Variants in FGF14 observed in about 807,000 individuals in gnomAD.
The protein encoded by FGF14 is fibroblast growth factor homologous factor 4.
A neutral mutation model predicts 25.5 loss-of-function variants in FGF14; 5 were observed. The observed-to-expected ratio is 0.20, with a 90% confidence interval of 0.10 to 0.41. FGF14 has a LOEUF of 0.41. FGF14 is among the 10% of genes least tolerant of loss of function. FGF14 has a pLI of 1.00. For missense variants in FGF14, 222 were observed against 320.1 expected (o/e 0.69, Z 2.34); for synonymous variants, 138 against 118.3 (o/e 1.17, Z -1.08).
At chr13:102,368,853 T>G (rs1358336920) in intron 1 of FGF14, among the ~76,000 whole-genome samples, 1 of 152,218 alleles carries the variant, frequency 6.6e-6, no homozygotes, top group Non-Finnish European at 1.5e-5. Context: ...TCCTGACTTG[T>G]GTCATCTCTA....
At chr13:101,822,869 C>A (rs908734291) in intron 3 of FGF14, among the ~76,000 whole-genome samples, 1 of 152,152 alleles carries the variant, frequency 6.6e-6, no homozygotes, top group African/African-American at 2.4e-5. Flanking sequence ...ACTAATCTCT[C>A]TTCATCCTTC....
intron 1 of FGF14, among the ~76,000 whole-genome samples, chr13:102,204,062 T>A (rs1474268612): frequency 6.6e-6 from 1 of 152,212 alleles, no homozygotes; most frequent in Non-Finnish European, 1.5e-5. Flanking sequence ...ATTAAAACTT[T>A]CAGTTACCAC....
At chr13:101,895,332 C>T (rs2030474218) in intron 1 of FGF14, among the ~76,000 whole-genome samples, 1 of 152,140 alleles carries the variant, frequency 6.6e-6, no homozygotes, top group East Asian at 1.9e-4. Flanking sequence ...TGCCTTTAGT[C>T]CTTTATAAGT....
intron 1 of FGF14, among the ~76,000 whole-genome samples, chr13:101,924,342 A>G (rs1158066077): frequency 6.6e-6 from 1 of 152,160 alleles, no homozygotes; most frequent in Admixed American, 6.5e-5. Flanking sequence ...CATGAGTTAA[A>G]CATATATGTA....
At chr13:102,145,736 T>A (rs2046827918) in intron 1 of FGF14, among the ~76,000 whole-genome samples, 1 of 152,178 alleles carries the variant, frequency 6.6e-6, no homozygotes, top group Non-Finnish European at 1.5e-5. Flanking sequence ...CCTTAGGAAA[T>A]ATCAGTAGAT....
rs76808003 is a variant in FGF14 at position 102,296,506 on chromosome 13, T to C, written c.208+104965A>G. On this transcript the variant is annotated intron_variant, in intron 1 of 4. Coordinates refer to the FGF14 transcript ENST00000376131. ...TACTGCAAGGCAATTAGCAACTAAA[T>C]TTTTGCTAAGTGCACTTAAGAGTAA... is the stretch of plus-strand genomic sequence containing the variant. Among the ~76,000 whole-genome samples the C allele has an allele frequency of 3.9e-5, 6 of 152,120 alleles. No homozygotes were observed. The East Asian group carries it at 1.2e-3, about 29-fold the overall frequency.
At position 101,721,740 on chromosome 13, in the gene FGF14, A is replaced by T. The variant is rs1471673351; in HGVS notation, c.*1091T>A. 6.6e-6 allele frequency: 1 copy of T among 152,136 alleles called. No homozygotes were observed. Among genetic ancestry groups the T allele is most frequent in the African/African-American group, 2.4e-5 (1 of 41,448 alleles). 9.4% of individuals were successfully genotyped at this position (152,136 alleles called of 1,614,324 possible). A position where few individuals can be genotyped will look rare whatever the true frequency, so the allele number is the denominator to read the frequency against. ...TCTTGCCCATGCTCTGCTGAGTATG[A>T]GGGGAACGCAGCCAGAAACGGGGAT... On this transcript the variant is annotated 3_prime_UTR_variant, in exon 5 of 5. Transcript: ENST00000376143.
intron 3 of FGF14, chr13:101,802,044 A>G: frequency 9.9e-6 from 4 of 403,598 alleles, no homozygotes; most frequent in South Asian, 4.2e-5. Context: ...TCTAGGAAAG[A>G]TAAGTATAAA....
At position 101,894,436 on chromosome 13, in the gene FGF14, T is replaced by A. The variant is rs562937025; in HGVS notation, c.194-19140A>T. On this transcript the variant is annotated intron_variant, in intron 1 of 4. Transcript: ENST00000376143. ...GGAATTATCTATTAGTCCAATGAACTCCCCCAGTCAGGGCAACTGACTGAG... is the reference window on the plus strand; with the variant it reads ...GGAATTATCTATTAGTCCAATGAACACCCCCAGTCAGGGCAACTGACTGAG... Among the ~76,000 whole-genome samples the A allele has an allele frequency of 2.1e-3, 318 of 152,020 alleles. 3 individuals are homozygous for A. The highest frequency in any genetic ancestry group is 7.2e-3 in the African/African-American group (299 of 41,468).
At chr13:102,339,141 C>G (rs1276156059) in intron 1 of FGF14, among the ~76,000 whole-genome samples, 2 of 151,982 alleles carry the variant, frequency 1.3e-5, no homozygotes, top group Non-Finnish European at 2.9e-5. Flanking sequence ...ACCCCGTTTT[C>G]CATGATGTGC....
chr13:101,805,917 G>T (rs1037925366), intron 3 of FGF14, among the ~76,000 whole-genome samples: 1 of 151,728 alleles, frequency 6.6e-6, no homozygotes, highest in African/African-American at 2.4e-5. Flanking sequence ...TTTTATTAGT[G>T]CATATTATAT....
chr13:102,289,342 T>G (rs1468583381), intron 1 of FGF14, among the ~76,000 whole-genome samples: 1 of 152,220 alleles, frequency 6.6e-6, no homozygotes, highest in African/African-American at 2.4e-5. Context: ...ATAATCTGAT[T>G]AATGGCTTTC....
At chr13:102,068,653 A>G (rs2043009832) in intron 1 of FGF14, among the ~76,000 whole-genome samples, 1 of 152,222 alleles carries the variant, frequency 6.6e-6, no homozygotes, top group Non-Finnish European at 1.5e-5. Context: ...GTCCCCCAGC[A>G]GTGCCAGCCC....
chr13:102,275,239 T>C lies in FGF14; in HGVS notation c.208+126232A>G, dbSNP rs895824691. Among the ~76,000 whole-genome samples the C allele has an allele frequency of 7.7e-5, 7 of 91,366 alleles. No individual in the cohort carries two copies. The East Asian group carries it at 1.7e-3, about 22-fold the overall frequency. 59.9% of individuals were successfully genotyped at this position (91,366 alleles called of 152,430 possible). The stretch of plus-strand genomic sequence containing the variant: ...CCAACTGAGATTAGGCAGATTTCTC[T>C]CTCTCTCTCTCTCTCTCTCTCTTTC... On this transcript the variant is annotated intron_variant, in intron 1 of 4. Coordinates refer to the FGF14 transcript ENST00000376131.
rs143758247 is a variant in FGF14, at chr13:101,893,235, G to A, written c.194-17939C>T. On this transcript the variant is annotated intron_variant, in intron 1 of 4. Coordinates refer to ENST00000376143, the MANE Select transcript of FGF14 (RefSeq NM_004115.4). ...CAAATGGCTAGTTCCTATTCACCCT[G>A]TCATCACCTCTCTGTCCATGATTGC... Among the ~76,000 whole-genome samples, 45 of 152,290 alleles carry A rather than the reference G, an allele frequency of 3.0e-4. No homozygotes were observed. In the East Asian group the frequency reaches 8.3e-3, roughly 28 times the overall value.
intron 1 of FGF14, among the ~76,000 whole-genome samples, chr13:102,109,049 TAAGTA>T (rs1420304080): frequency 1.3e-5 from 2 of 152,272 alleles, no homozygotes; most frequent in South Asian, 2.1e-4. Context: ...CATAAACATA[TAAGTA>T]AAGTAACATG....
intron 1 of FGF14, among the ~76,000 whole-genome samples, chr13:102,258,437 T>C (rs866332988): frequency 6.6e-5 from 10 of 152,210 alleles, no homozygotes; most frequent in South Asian, 2.1e-4. Flanking sequence ...TCTGCCACCA[T>C]TGGCTGAGGT....
At chr13:102,082,923 A>T (rs572307224) in intron 1 of FGF14, among the ~76,000 whole-genome samples, 21 of 152,034 alleles carry the variant, frequency 1.4e-4, no homozygotes, top group Non-Finnish European at 2.9e-4. Context: ...CCGCCACTGC[A>T]CTCCAGCCTG....
intron 1 of FGF14, among the ~76,000 whole-genome samples, chr13:101,914,938 G>T (rs536937654): frequency 6.6e-6 from 1 of 152,274 alleles, no homozygotes; most frequent in Admixed American, 6.5e-5. Flanking sequence ...GGTGATTAAG[G>T]CAGTCGAGTT....
Sources: allele counts gnomAD v4.1 joint callset (sites outside exome capture counted in the v4.1 genomes callset), GRCh38; gene constraint gnomAD v4.1.1; transcripts MANE v1.5; gene names NCBI Gene and HGNC (gene_info 2026-07-23, HGNC 2026-07-21).